Variants in SPNS3 observed in about 807,000 individuals in gnomAD.
The protein encoded by SPNS3 is protein spinster homolog 3.
In SPNS3, 51 loss-of-function variants were observed where a neutral mutation model predicts 54.4. The observed-to-expected ratio is 0.94, with a 90% CI of 0.75 to 1.18. SPNS3 has a LOEUF of 1.18. SPNS3 is among the 50% of genes most tolerant of loss of function. The pLI, the probability that SPNS3 is intolerant of heterozygous loss-of-function variation, is 0.00. For synonymous variants in SPNS3, 309 were observed against 294.7 expected (o/e 1.05, Z -0.50); for missense variants, 669 against 677.4 (o/e 0.99, Z 0.14).
At chr17:4,438,860 G>A (rs1970778368) in intron 1 of SPNS3, among the ~76,000 whole-genome samples, 1 of 152,186 alleles carries the variant, frequency 6.6e-6, no homozygotes, top group Non-Finnish European at 1.5e-5. Context: ...AGGCCTCTGG[G>A]TGCACATCTC....
chr17:4,466,810 A>C (rs1306434999), intron 8 of SPNS3, among the ~76,000 whole-genome samples: 1 of 152,184 alleles, frequency 6.6e-6, no homozygotes, highest in Non-Finnish European at 1.5e-5. Flanking sequence ...GCACCATTGC[A>C]CTCCAGCCTG....
Position 4,473,047 on chromosome 17 carries a change from C to G in SPNS3, c.1114-5525C>G, listed in dbSNP as rs537017519. ...CAAGCAATCCTCCTGCCTCAGCCTC[C>G]CAAAGTGTTGGGATTATAGGTGTGA... On this transcript the variant is annotated intron_variant, in intron 8 of 11. Coordinates refer to ENST00000355530, the MANE Select transcript of SPNS3 (RefSeq NM_182538.5). Among the ~76,000 whole-genome samples, 3 of 152,048 alleles carry G rather than the reference C, an allele frequency of 2.0e-5. No individual in the cohort carries two copies. The South Asian group carries it at 6.2e-4, about 32-fold the overall frequency.
chr17:4,458,042 G>A (rs554139601), intron 8 of SPNS3, among the ~76,000 whole-genome samples: 2 of 149,608 alleles, frequency 1.3e-5, no homozygotes, highest in East Asian at 2.0e-4. Flanking sequence ...CTGTGCCTCC[G>A]TAGAATGCTC....
rs1466335499 is a variant in SPNS3, at chr17:4,449,336, T to A, written c.872T>A (p.Val291Asp). 2 of 1,610,516 alleles carry A rather than the reference T, an allele frequency of 1.2e-6. No individual in the cohort carries two copies. Among genetic ancestry groups the A allele is most frequent in the Admixed American group, 3.3e-5 (2 of 59,704 alleles). ...APKFLLEARVVHGLQPPCFQE... is the reference protein window; with the variant it reads ...APKFLLEARVDHGLQPPCFQE... ...AAGTTTCTGCTCGAGGCACGCGTGG[T>A]TCACGGGCTGCAGCCTCCCTGCTTC... is the stretch of plus-strand genomic sequence containing the variant. Residue 291 changes from valine (V) to aspartate (D), a missense_variant, in exon 7 of 12, where the codon GTT becomes GAT. Transcript: ENST00000355530.
intron 2 of SPNS3, among the ~76,000 whole-genome samples, chr17:4,444,204 A>G (rs1377936166): frequency 6.6e-6 from 1 of 151,630 alleles, no homozygotes; most frequent in East Asian, 1.9e-4. Context: ...ACTAGTTCAC[A>G]GTCAATATGC....
At chr17:4,443,770 T>G (rs919833710) in intron 2 of SPNS3, among the ~76,000 whole-genome samples, 1 of 152,220 alleles carries the variant, frequency 6.6e-6, no homozygotes, top group Non-Finnish European at 1.5e-5. Context: ...TGGGAACTTA[T>G]TTCCAAAACA....
intron 8 of SPNS3, among the ~76,000 whole-genome samples, chr17:4,472,774 C>CATTTTTTTTTTTTTTTTTTTTTTTTTT (rs1567572187): frequency 7.9e-5 from 4 of 50,942 alleles, no homozygotes; most frequent in Admixed American, 3.2e-4. Flanking sequence ...GCTTGGCAGC[C>CATTTTTTTTTTTTTTTTTTTTTTTTTT]TTTTTTTTTT....
chr17:4,463,155 T>C (rs1971582568), intron 8 of SPNS3, among the ~76,000 whole-genome samples: 1 of 151,946 alleles, frequency 6.6e-6, no homozygotes, highest in African/African-American at 2.4e-5. Context: ...TCCCAACACT[T>C]TGGGAGGCAA....
At chr17:4,435,314 T>C (rs954778337) in intron 1 of SPNS3, among the ~76,000 whole-genome samples, 2 of 150,956 alleles carry the variant, frequency 1.3e-5, no homozygotes, top group Admixed American at 6.6e-5. Context: ...TCTCAGCTAC[T>C]GGGGAGGCTG....
chr17:4,459,438 G>A (rs1430912907), intron 8 of SPNS3, among the ~76,000 whole-genome samples: 1 of 152,108 alleles, frequency 6.6e-6, no homozygotes, highest in Non-Finnish European at 1.5e-5. Context: ...GCAGCTGGGT[G>A]CGGTGCTTCA....
chr17:4,455,110 C>T (rs749597364), intron 8 of SPNS3, among the ~76,000 whole-genome samples: 5 of 151,994 alleles, frequency 3.3e-5, no homozygotes, highest in South Asian at 2.1e-4. Context: ...GATGGGGTTT[C>T]GCCACATTGG....
chr17:4,466,983 A>G (rs1046958654), intron 8 of SPNS3, among the ~76,000 whole-genome samples: 4 of 152,164 alleles, frequency 2.6e-5, no homozygotes, highest in Non-Finnish European at 5.9e-5. Context: ...GAGACACTCC[A>G]GAAGCAGGTG....
At position 4,488,186 on chromosome 17, in the gene SPNS3, C is replaced by T; in HGVS notation, c.*292C>T. ...AATAAAGAGAGGCCAGTACAAAGCCCATGGATTTTGGGCCTGTAGACAGCC... is the reference window on the plus strand; with the variant it reads ...AATAAAGAGAGGCCAGTACAAAGCCTATGGATTTTGGGCCTGTAGACAGCC... On this transcript the variant is annotated 3_prime_UTR_variant, in exon 12 of 12. Transcript: ENST00000355530. The T allele has an allele frequency of 2.3e-6, 1 of 426,064 alleles. No individual in the cohort carries two copies. Among genetic ancestry groups the T allele is most frequent in the Non-Finnish European group, 4.3e-6 (1 of 232,498 alleles). 26.4% of individuals were successfully genotyped at this position (426,064 alleles called of 1,614,324 possible). A position where few individuals can be genotyped will look rare whatever the true frequency, so the allele number is the denominator to read the frequency against.
At chr17:4,446,787 G>C in intron 4 of SPNS3, 109 bp from the exon 5 acceptor site, 3 of 996,398 alleles carry the variant, frequency 3.0e-6, no homozygotes, top group South Asian at 1.3e-5. Context: ...AGCCTGCAGA[G>C]AGCCAGCTCC....
At chr17:4,477,320 G>T (rs975189140) in intron 8 of SPNS3, among the ~76,000 whole-genome samples, 8 of 152,140 alleles carry the variant, frequency 5.3e-5, no homozygotes, top group Non-Finnish European at 7.4e-5. Flanking sequence ...TGCGTGGCAG[G>T]TGTTTGGGTG....
intron 9 of SPNS3, chr17:4,482,256 A>G (rs1371619309): frequency 1.3e-5 from 2 of 152,160 alleles, no homozygotes; most frequent in Non-Finnish European, 2.9e-5. Context: ...AAGGGACCTC[A>G]GGGGCTCTCC....
intron 7 of SPNS3, 77 bp from the exon 8 acceptor site, chr17:4,452,939 T>G: frequency 7.0e-7 from 1 of 1,430,766 alleles, no homozygotes; most frequent in Non-Finnish European, 9.6e-7. Flanking sequence ...GGGCTAGACC[T>G]GGGGCTGGGA....
Position 4,486,023 on chromosome 17 carries a change from T to C in SPNS3, c.1180-205T>C, listed in dbSNP as rs1972302954. 8.3e-6 allele frequency: 4 copies of C among 481,098 alleles called. No homozygotes were observed. The South Asian group carries it at 1.6e-4, about 20-fold the overall frequency. 29.8% of individuals were successfully genotyped at this position (481,098 alleles called of 1,614,324 possible). On this transcript the variant is annotated intron_variant, in intron 9 of 11. Coordinates refer to ENST00000355530, the MANE Select transcript of SPNS3 (RefSeq NM_182538.5). This position sits in a 1 kb window ranked among gnomAD's most constrained non-coding sequence, Gnocchi z 5.5. Reference sequence around the variant, plus strand: ...CTGATCAGGGGCCTTGGCACCCCCATCCTGGGGCACTGGGGAAGCTTCAGA... The same window carrying C: ...CTGATCAGGGGCCTTGGCACCCCCACCCTGGGGCACTGGGGAAGCTTCAGA...
At chr17:4,485,454 G>A (rs1166825205) in intron 9 of SPNS3, among the ~76,000 whole-genome samples, 1 of 151,134 alleles carries the variant, frequency 6.6e-6, no homozygotes, top group African/African-American at 2.4e-5. Flanking sequence ...TTGGATTGCA[G>A]TGGTACGATC....
Sources: gnomAD v4.1 joint callset for allele counts (sites outside exome capture counted in the v4.1 genomes callset) on GRCh38, gnomAD v4.1.1 for gene constraint, Gnocchi (gnomAD v3.1) non-coding constraint, MANE v1.5 for transcripts, NCBI Gene and HGNC (gene_info 2026-07-23, HGNC 2026-07-21) for gene names.